OR2C1: variants seen among roughly 807,000 people sequenced by gnomAD.
The protein encoded by OR2C1 is olfactory receptor family 2 subfamily C member 1, also known as olfactory receptor 2C1.
For missense variants in OR2C1, 468 were observed against 388.3 expected, an observed-to-expected ratio of 1.21 and a Z score of -1.73; for synonymous variants, 209 against 167.3, an observed-to-expected ratio of 1.25 and a Z score of -1.92.
chr16:3,327,245 A>AT, the OR2C1 span, among the ~76,000 whole-genome samples: 371 of 152,010 alleles, frequency 2.4e-3, 3 homozygotes, highest in Non-Finnish European at 4.3e-3. Flanking sequence ...CAGTTTTTTT[A>AT]TTTTTTGCAT....
upstream of OR2C1, among the ~76,000 whole-genome samples, chr16:3,352,662 G>A (rs1463300404): frequency 6.6e-6 from 1 of 151,356 alleles, no homozygotes; most frequent in Non-Finnish European, 1.5e-5. Context: ...TGTTCACTTT[G>A]TCTAATACCA....
the OR2C1 span, among the ~76,000 whole-genome samples, chr16:3,350,474 C>A: frequency 1.3e-5 from 2 of 150,146 alleles, no homozygotes; most frequent in Non-Finnish European, 3.0e-5. Flanking sequence ...TGCAGTGGCG[C>A]GATCTTGGAT....
At chr16:3,354,534 T>C (rs1567285809), upstream of OR2C1, among the ~76,000 whole-genome samples, 2 of 152,238 alleles carry the variant, frequency 1.3e-5, no homozygotes, top group African/African-American at 4.8e-5. Context: ...TCCCAGCTTC[T>C]GTATTTGGAG....
the OR2C1 span, among the ~76,000 whole-genome samples, chr16:3,348,013 G>A: frequency 0.8 from 122,018 of 152,210 alleles, 49,019 homozygotes; most frequent in East Asian, 0.92. Context: ...CATTAAGTGC[G>A]TCCCTAACAA....
chr16:3,339,638 A>G, the OR2C1 span, among the ~76,000 whole-genome samples: 1 of 151,922 alleles, frequency 6.6e-6, no homozygotes, highest in Admixed American at 6.6e-5. Context: ...TTGTATTTTT[A>G]GTAGACATGG....
the OR2C1 span, among the ~76,000 whole-genome samples, chr16:3,337,517 C>T: frequency 6.6e-6 from 1 of 151,984 alleles, no homozygotes; most frequent in African/African-American, 2.4e-5. Flanking sequence ...TTGATCCATT[C>T]TGCTGTTGAG....
the OR2C1 span, among the ~76,000 whole-genome samples, chr16:3,343,184 T>A: frequency 6.6e-6 from 1 of 152,164 alleles, no homozygotes; most frequent in Non-Finnish European, 1.5e-5. Context: ...CCTACACATG[T>A]GATAAAATTA....
the OR2C1 span, among the ~76,000 whole-genome samples, chr16:3,334,576 T>A: frequency 1.3e-4 from 20 of 149,428 alleles, no homozygotes; most frequent in African/African-American, 4.7e-4. Flanking sequence ...GGCAGATTGC[T>A]TGAGTCTAAA....
the OR2C1 span, among the ~76,000 whole-genome samples, chr16:3,327,674 CT>C: frequency 0.073 from 11,128 of 151,454 alleles, 619 homozygotes; most frequent in African/African-American, 0.15. Flanking sequence ...TACTCCTGCA[CT>C]TTTAACAAGC....
the OR2C1 span, among the ~76,000 whole-genome samples, chr16:3,330,562 T>C: frequency 6.6e-6 from 1 of 152,186 alleles, no homozygotes; most frequent in African/African-American, 2.4e-5. Context: ...GGTAACTTTT[T>C]TTTGCCTTGT....
chr16:3,326,779 A>G, the OR2C1 span, among the ~76,000 whole-genome samples: 3 of 152,230 alleles, frequency 2.0e-5, no homozygotes, highest in Non-Finnish European at 2.9e-5. Flanking sequence ...TTGCTGGATG[A>G]CGCATGTAAC....
At chr16:3,357,881 T>C (rs558079184), downstream of OR2C1, among the ~76,000 whole-genome samples, 20 of 152,158 alleles carry the variant, frequency 1.3e-4, no homozygotes, top group African/African-American at 4.1e-4. Flanking sequence ...CTCGGGAGGC[T>C]GAGGCAGGAG....
chr16:3,338,538 C>CTTTTTTTTTTT, the OR2C1 span, among the ~76,000 whole-genome samples: 2,002 of 103,052 alleles, frequency 0.019, 303 homozygotes, highest in African/African-American at 0.057. Context: ...GTATAGGTAC[C>CTTTTTTTTTTT]TTTTTTTTTT....
chr16:3,329,748 C>CTTTTT, the OR2C1 span, among the ~76,000 whole-genome samples: 895 of 62,582 alleles, frequency 0.014, 45 homozygotes, highest in African/African-American at 0.019. Flanking sequence ...GGCGCCCGGC[C>CTTTTT]TTTTTTTTTT....
At chr16:3,355,286 C>A (rs532624846), upstream of OR2C1, among the ~76,000 whole-genome samples, 2 of 151,034 alleles carry the variant, frequency 1.3e-5, no homozygotes, top group African/African-American at 2.4e-5. Context: ...CATGGTGAAA[C>A]CCCGTCTCTA....
chr16:3,341,660 T>C, the OR2C1 span, among the ~76,000 whole-genome samples: 29 of 152,228 alleles, frequency 1.9e-4, no homozygotes, highest in African/African-American at 6.8e-4. Flanking sequence ...ATACAGATGA[T>C]AGCCAGATTA....
upstream of OR2C1, among the ~76,000 whole-genome samples, chr16:3,353,879 C>A (rs1005377128): frequency 3.9e-5 from 6 of 151,996 alleles, no homozygotes; most frequent in Non-Finnish European, 7.4e-5. Flanking sequence ...AGTTGAGATC[C>A]TGGCCAAGGA....
At chr16:3,330,789 C>T in the OR2C1 span, among the ~76,000 whole-genome samples, 2 of 152,082 alleles carry the variant, frequency 1.3e-5, no homozygotes, top group Non-Finnish European at 2.9e-5. Context: ...GTAGCCCAGG[C>T]TGCATGCAGT....
the OR2C1 span, among the ~76,000 whole-genome samples, chr16:3,327,829 C>T: frequency 6.6e-6 from 1 of 151,950 alleles, no homozygotes; most frequent in Non-Finnish European, 1.5e-5. Context: ...TTCTCATTTA[C>T]TCACTTGCAT....
Sources: gnomAD v4.1 joint callset for allele counts (sites outside exome capture counted in the v4.1 genomes callset) on GRCh38, gnomAD v4.1.1 for gene constraint, MANE v1.5 for transcripts, NCBI Gene and HGNC (gene_info 2026-07-23, HGNC 2026-07-21) for gene names.